GOLPH3L: variants seen among roughly 807,000 people sequenced by gnomAD.
GOLPH3L encodes the protein Golgi phosphoprotein 3-like.
A neutral mutation model predicts 30.3 loss-of-function variants in GOLPH3L; 22 were observed. That is an observed-to-expected ratio of 0.73 (90% CI 0.52 to 1.04). The LOEUF is 1.04. Among genes scored for constraint, GOLPH3L ranks in the 50% least tolerant of loss-of-function variants. The probability of loss-of-function intolerance (pLI) is 0.00; values close to 1 mark genes in which losing one functional copy is unlikely to be tolerated. For missense variants in GOLPH3L, 303 were observed against 345.8 expected, an observed-to-expected ratio of 0.88 and a Z score of 0.98; for synonymous variants, 120 against 128.2, an observed-to-expected ratio of 0.94 and a Z score of 0.43.
chr1:150,688,604 A>G (rs1238815266), intron 2 of GOLPH3L, among the ~76,000 whole-genome samples: 1 of 152,160 alleles, frequency 6.6e-6, no homozygotes, highest in African/African-American at 2.4e-5. Context: ...TACAAAAATT[A>G]GCCGGGGATG....
chr1:150,662,001 G>A, intron 3 of GOLPH3L, 73 bp from the exon 4 acceptor site: 2 of 771,366 alleles, frequency 2.6e-6, no homozygotes, highest in Non-Finnish European at 4.7e-6. Flanking sequence ...AATATATCAT[G>A]TATATGTTAC....
chr1:150,690,913 C>A (rs1455350198), intron 2 of GOLPH3L, among the ~76,000 whole-genome samples: 3 of 152,128 alleles, frequency 2.0e-5, no homozygotes, highest in African/African-American at 7.2e-5. Context: ...TTGTTGTTTA[C>A]TTTAAAAAAA....
chr1:150,691,767 G>A (rs1232597585), intron 2 of GOLPH3L, among the ~76,000 whole-genome samples: 1 of 151,868 alleles, frequency 6.6e-6, no homozygotes, highest in East Asian at 1.9e-4. Context: ...CATATAAATG[G>A]AATCATACAG....
intron 2 of GOLPH3L, among the ~76,000 whole-genome samples, chr1:150,674,239 C>T (rs1159034894): frequency 6.6e-6 from 1 of 150,564 alleles, no homozygotes; most frequent in Non-Finnish European, 1.5e-5. Context: ...TTAGAGTGAA[C>T]AGGTAACCTA....
At chr1:150,650,619 AG>A (rs981020364) in intron 4 of GOLPH3L, among the ~76,000 whole-genome samples, 9 of 152,156 alleles carry the variant, frequency 5.9e-5, no homozygotes, top group African/African-American at 2.2e-4. Flanking sequence ...TGCACATGGG[AG>A]GGATCTAGGT....
chr1:150,672,964 A>G (rs1650677398), intron 2 of GOLPH3L, among the ~76,000 whole-genome samples: 2 of 152,090 alleles, frequency 1.3e-5, no homozygotes, highest in African/African-American at 2.4e-5. Flanking sequence ...GCTAGTTACA[A>G]TGATCAGTTT....
intron 2 of GOLPH3L, among the ~76,000 whole-genome samples, chr1:150,687,171 T>C (rs1651104145): frequency 6.6e-6 from 1 of 152,162 alleles, no homozygotes; most frequent in Non-Finnish European, 1.5e-5. Context: ...GCTATTAATA[T>C]TTTAATTATA....
intron 3 of GOLPH3L, among the ~76,000 whole-genome samples, chr1:150,663,376 T>A (rs1650419197): frequency 6.6e-6 from 1 of 152,100 alleles, no homozygotes; most frequent in African/African-American, 2.4e-5. Flanking sequence ...TAGGAGGAAT[T>A]TAATCAACAG....
At chr1:150,694,259 A>G in intron 2 of GOLPH3L, 1 of 333,308 alleles carries the variant, frequency 3.0e-6, no homozygotes, top group Non-Finnish European at 6.2e-6. Context: ...GCAACTAATC[A>G]CACATGTTCC....
chr1:150,691,342 C>A (rs1269687591), intron 2 of GOLPH3L, among the ~76,000 whole-genome samples: 1 of 151,980 alleles, frequency 6.6e-6, no homozygotes, highest in Non-Finnish European at 1.5e-5. Flanking sequence ...ATGGTGAAAC[C>A]CCATCTCTAC....
In GOLPH3L at chr1:150,694,702, A is replaced by G; in HGVS notation, c.137T>C (p.Leu46Pro). The G allele has an allele frequency of 3.1e-6, 5 of 1,611,090 alleles. No individual in the cohort carries two copies. The highest frequency in any genetic ancestry group is 4.2e-6 in the Non-Finnish European group (5 of 1,178,254). ...EDSGDSKDIR[L>P]TLMEEVLLLG... ...AAGCAATACTTCTTCCATAAGAGTA[A>G]GGCGGATATCCTTAGAGTCTCCAGA... Residue 46 changes from leucine to proline, a missense_variant, in exon 2 of 5, where the codon CTT becomes CCT. Coordinates refer to ENST00000271732, the MANE Select transcript of GOLPH3L (RefSeq NM_018178.6).
intron 2 of GOLPH3L, among the ~76,000 whole-genome samples, chr1:150,691,273 G>T (rs1355354965): frequency 6.6e-6 from 1 of 152,168 alleles, no homozygotes; most frequent in African/African-American, 2.4e-5. Flanking sequence ...CAGCACTTTG[G>T]GAGGCCAAGT....
chr1:150,664,134 G>C (rs1239119020), intron 2 of GOLPH3L, among the ~76,000 whole-genome samples: 1 of 151,914 alleles, frequency 6.6e-6, no homozygotes, highest in East Asian at 1.9e-4. Context: ...GAGTAGCTGG[G>C]ACTACAGGTA....
chr1:150,684,967 GATA>G (rs1275481946), intron 2 of GOLPH3L, among the ~76,000 whole-genome samples: 2 of 151,846 alleles, frequency 1.3e-5, no homozygotes, highest in East Asian at 3.9e-4. Context: ...CATGCCCAGC[GATA>G]ATATGATAAT....
chr1:150,653,818 A>G (rs929842564), intron 4 of GOLPH3L, among the ~76,000 whole-genome samples: 2 of 150,886 alleles, frequency 1.3e-5, no homozygotes, highest in Admixed American at 6.6e-5. Flanking sequence ...GCTGGAGTGC[A>G]GCGGCACAAT....
At chr1:150,669,410 C>T (rs1000868738) in intron 2 of GOLPH3L, among the ~76,000 whole-genome samples, 2 of 152,108 alleles carry the variant, frequency 1.3e-5, no homozygotes, top group Non-Finnish European at 2.9e-5. Context: ...CTTAGTGTAT[C>T]TATCTAACTT....
chr1:150,679,190 T>G (rs1261036023), intron 2 of GOLPH3L, among the ~76,000 whole-genome samples: 1 of 152,172 alleles, frequency 6.6e-6, no homozygotes, highest in African/African-American at 2.4e-5. Flanking sequence ...ATTTGTCACA[T>G]AAGCATAAAT....
chr1:150,680,779 AAAC>A (rs1256031775), intron 2 of GOLPH3L, among the ~76,000 whole-genome samples: 3 of 152,228 alleles, frequency 2.0e-5, no homozygotes, highest in Non-Finnish European at 4.4e-5. Context: ...CTAATGGTTT[AAAC>A]AACAACAAAA....
intron 2 of GOLPH3L, among the ~76,000 whole-genome samples, chr1:150,668,396 G>A (rs765343491): frequency 6.6e-6 from 1 of 151,822 alleles, no homozygotes; most frequent in Non-Finnish European, 1.5e-5. Context: ...TTTTGTTTTT[G>A]TTTGGACACA....
Sources: gnomAD v4.1 joint callset for allele counts (sites outside exome capture counted in the v4.1 genomes callset) on GRCh38, gnomAD v4.1.1 for gene constraint, MANE v1.5 for transcripts, NCBI Gene and HGNC (gene_info 2026-07-23, HGNC 2026-07-21) for gene names.